The following ZC4H2 variants were observed in gnomAD, a reference collection of about 807,000 sequenced individuals.
ZC4H2 encodes the protein zinc finger C4H2-type containing.
For missense variants in ZC4H2, 137 were observed against 173.9 expected (o/e 0.79, Z 1.19); for synonymous variants, 84 against 66.3 (o/e 1.27, Z -1.30).
chrX:64,953,363 C>G (rs1483723918), intron 1 of ZC4H2, among the ~76,000 whole-genome samples: 2 of 112,043 alleles, frequency 1.8e-5, no homozygotes, highest in African/African-American at 6.5e-5. Context: ...GCAAAGGAAA[C>G]TACCATCAGA....
chrX:65,001,582 C>G (rs942447275), intron 1 of ZC4H2, among the ~76,000 whole-genome samples: 10 of 112,088 alleles, frequency 8.9e-5, no homozygotes, highest in Admixed American at 4.7e-4. Flanking sequence ...GGATCAAATT[C>G]ACACATAACA....
At chrX:64,980,937 G>A (rs911132865), upstream of ZC4H2, among the ~76,000 whole-genome samples, 3 of 111,037 alleles carry the variant, frequency 2.7e-5, no homozygotes, top group Admixed American at 2.9e-4. Flanking sequence ...TAATAGGACA[G>A]AATGATGGCA....
intron 1 of ZC4H2, among the ~76,000 whole-genome samples, chrX:65,003,681 T>A (rs1932598305): frequency 9.1e-6 from 1 of 109,837 alleles, no homozygotes; most frequent in African/African-American, 3.3e-5. Flanking sequence ...ATTGAGAACA[T>A]CCTAGCTAAC....
intron 1 of ZC4H2, among the ~76,000 whole-genome samples, chrX:64,949,343 G>C (rs1478863938): frequency 8.9e-6 from 1 of 111,946 alleles, no homozygotes; most frequent in Non-Finnish European, 1.9e-5. Flanking sequence ...AACAGTTTTT[G>C]CCTTCTTAAA....
rs149924827 is a variant in ZC4H2 at position 65,006,583 on chromosome X, T to C, written c.-272+28046A>G. On this transcript the variant is annotated intron_variant, in intron 1 of 4. Coordinates refer to the ZC4H2 transcript ENST00000337990. Reference sequence around the variant, plus strand: ...ATGGGGTGGTGGGAGGGGGGAGGGATAGCATTAGGAGATATACCTAATGTA... The same window carrying C: ...ATGGGGTGGTGGGAGGGGGGAGGGACAGCATTAGGAGATATACCTAATGTA... 2.3e-3 allele frequency among the ~76,000 whole-genome samples: 235 copies of C among 101,778 alleles called. 2 individuals are homozygous for C. The highest frequency in any genetic ancestry group is 7.8e-3 in the African/African-American group (222 of 28,400). 88.4% of individuals were successfully genotyped at this position (101,778 alleles called of 115,157 possible).
chrX:64,942,057 C>T (rs949390076), intron 1 of ZC4H2, among the ~76,000 whole-genome samples: 1 of 111,465 alleles, frequency 9.0e-6, no homozygotes, highest in African/African-American at 3.3e-5. Context: ...TTAATTATTG[C>T]CTCATTTTCA....
At chrX:64,953,383 C>T (rs1930967734) in intron 1 of ZC4H2, among the ~76,000 whole-genome samples, 1 of 111,914 alleles carries the variant, frequency 8.9e-6, no homozygotes, top group South Asian at 3.7e-4. Context: ...ATTGAACAGG[C>T]AACCTACAGA....
chrX:65,015,519 C>T (rs894247645), intron 1 of ZC4H2, among the ~76,000 whole-genome samples: 1 of 111,976 alleles, frequency 8.9e-6, no homozygotes, highest in African/African-American at 3.2e-5. Context: ...CAAATGTTGG[C>T]TGGGTTAGCC....
At chrX:64,935,566 C>A (rs750932560) in intron 1 of ZC4H2, among the ~76,000 whole-genome samples, 1 of 112,013 alleles carries the variant, frequency 8.9e-6, no homozygotes, top group Non-Finnish European at 1.9e-5. Context: ...ACTCCTCATA[C>A]AGGAGAGCTC....
chrX:64,935,008 C>T (rs1258955847), intron 1 of ZC4H2, among the ~76,000 whole-genome samples: 1 of 110,592 alleles, frequency 9.0e-6, no homozygotes, highest in Non-Finnish European at 1.9e-5. Flanking sequence ...GCGGCTGAAG[C>T]CAGGGAGCCA....
intron 1 of ZC4H2, among the ~76,000 whole-genome samples, chrX:65,030,512 C>T (rs1319500459): frequency 8.9e-6 from 1 of 112,249 alleles, no homozygotes; most frequent in Non-Finnish European, 1.9e-5. Context: ...TCCACAAATA[C>T]ATCTGTCAAT....
Position 64,994,712 on chromosome X carries a change from C to A in ZC4H2, c.-272+39917G>T, listed in dbSNP as rs142897474. 8.7e-3 allele frequency among the ~76,000 whole-genome samples: 965 copies of A among 111,272 alleles called. 15 individuals are homozygous for A. The highest frequency in any genetic ancestry group is 0.03 in the African/African-American group (915 of 30,625). ...TTGTGGTGTTAAAGCAACAGAATTTCAACAAATACTTATGGTAGATTCTTT... is the reference window on the plus strand; with the variant it reads ...TTGTGGTGTTAAAGCAACAGAATTTAAACAAATACTTATGGTAGATTCTTT... On this transcript the variant is annotated intron_variant, in intron 1 of 4. Coordinates refer to the ZC4H2 transcript ENST00000337990.
rs1928991232 is a variant in ZC4H2, at chrX:64,917,617, A to G, written c.*166T>C. ...CATCTCTTCCTAAACCAGAAATCCC[A>G]AGAGCAGAAAGAAATAGGAGCAAAG... On this transcript the variant is annotated 3_prime_UTR_variant, in exon 5 of 5. Transcript: ENST00000374839. The G allele has an allele frequency of 9.4e-6, 7 of 746,716 alleles. No homozygotes were observed. Among genetic ancestry groups the G allele is most frequent in the South Asian group, 5.7e-5 (2 of 34,877 alleles). 61.5% of individuals were successfully genotyped at this position (746,716 alleles called of 1,213,427 possible).
intron 1 of ZC4H2, among the ~76,000 whole-genome samples, chrX:64,951,322 G>A (rs900967695): frequency 7.3e-4 from 82 of 111,934 alleles, no homozygotes; most frequent in Admixed American, 2.1e-3. Context: ...ACCCAGTAAT[G>A]GGATGGCTGG....
At position 64,947,487 on chromosome X, in the gene ZC4H2, C is replaced by A. The variant is rs764073350; in HGVS notation, c.54-25499G>T. Among the ~76,000 whole-genome samples, 9 of 112,431 alleles carry A rather than the reference C, an allele frequency of 8.0e-5. No individual in the cohort carries two copies. The South Asian group carries it at 1.5e-3, about 18-fold the overall frequency. On this transcript the variant is annotated intron_variant, in intron 1 of 4. Coordinates refer to ENST00000374839, the MANE Select transcript of ZC4H2 (RefSeq NM_018684.4). ...AAACTAAATTTATCTTTAAAAATGT[C>A]TTTCTTCCATAATAAATTAAAATTA...
At chrX:64,957,912 G>T (rs1194825257) in intron 1 of ZC4H2, among the ~76,000 whole-genome samples, 1 of 110,853 alleles carries the variant, frequency 9.0e-6, no homozygotes, top group Non-Finnish European at 1.9e-5. Flanking sequence ...ACACATATTA[G>T]CCTAGGCCTA....
At chrX:65,002,076 T>A (rs1339719815) in intron 1 of ZC4H2, among the ~76,000 whole-genome samples, 1 of 111,299 alleles carries the variant, frequency 9.0e-6, no homozygotes, top group African/African-American at 3.3e-5. Flanking sequence ...TGAACTCAGC[T>A]CTAGACCAAG....
intron 1 of ZC4H2, among the ~76,000 whole-genome samples, chrX:64,984,588 G>A (rs1283333378): frequency 2.7e-5 from 3 of 111,322 alleles, no homozygotes; most frequent in Non-Finnish European, 5.7e-5. Context: ...AGAATGCAGG[G>A]TCTGAAAAAT....
chrX:64,924,961 A>G (rs1172331657), intron 1 of ZC4H2, among the ~76,000 whole-genome samples: 2 of 111,174 alleles, frequency 1.8e-5, no homozygotes. Context: ...ATCTCACTTC[A>G]CTTCCCTCAG....
Sources: gnomAD v4.1 joint callset for allele counts (sites outside exome capture counted in the v4.1 genomes callset) on GRCh38, gnomAD v4.1.1 for gene constraint, MANE v1.5 for transcripts, NCBI Gene and HGNC (gene_info 2026-07-23, HGNC 2026-07-21) for gene names.